ANO2: variants seen among roughly 807,000 people sequenced by gnomAD.
ANO2 encodes anoctamin-2.
Under a neutral mutation model 124.2 loss-of-function variants are expected in ANO2, and 101 were observed. The observed-to-expected ratio is 0.81, with a 90% CI of 0.69 to 0.96. The LOEUF (loss-of-function observed/expected upper bound fraction) is 0.96, where lower values mean the gene tolerates loss of function less well. ANO2 is among the 40% of genes least tolerant of loss of function. ANO2 has a pLI of 0.00. For synonymous variants in ANO2, 486 were observed against 482.5 expected (o/e 1.01, Z -0.09); for missense variants, 1,293 against 1,274.5 (o/e 1.01, Z -0.22).
intron 16 of ANO2, among the ~76,000 whole-genome samples, chr12:5,624,326 G>A (rs554059795): frequency 6.6e-6 from 1 of 152,268 alleles, no homozygotes; most frequent in South Asian, 2.1e-4. Context: ...GGCCAATCAT[G>A]AGAATCCTCC....
intron 14 of ANO2, among the ~76,000 whole-genome samples, chr12:5,648,879 C>A (rs1190994678): frequency 6.6e-6 from 1 of 152,212 alleles, no homozygotes; most frequent in Non-Finnish European, 1.5e-5. Context: ...TCTCCTCTCC[C>A]CTCCTCACCA....
Position 5,911,058 on chromosome 12 carries a change from C to T in ANO2, c.534+9982G>A, listed in dbSNP as rs544527271. Among the ~76,000 whole-genome samples the T allele has an allele frequency of 8.5e-5, 13 of 152,304 alleles. No individual in the cohort carries two copies. The East Asian group carries it at 2.5e-3, about 29-fold the overall frequency. ...GTTGATTTCACCCAGACCTTCACAA[C>T]AGAGTTAAGCCTTCCCAGTCCATCA... On this transcript the variant is annotated intron_variant, in intron 3 of 24. Coordinates refer to ENST00000682330, the MANE Select transcript of ANO2 (RefSeq NM_001364791.2).
chr12:5,841,720 C>A (rs1161859342), intron 4 of ANO2, among the ~76,000 whole-genome samples: 1 of 152,160 alleles, frequency 6.6e-6, no homozygotes, highest in Non-Finnish European at 1.5e-5. Context: ...TCTTCCCACC[C>A]ACAGACTCCT....
chr12:5,740,714 A>T (rs1376949356), intron 12 of ANO2, among the ~76,000 whole-genome samples: 1 of 152,200 alleles, frequency 6.6e-6, no homozygotes, highest in Non-Finnish European at 1.5e-5. Flanking sequence ...GAGTGGGCAG[A>T]GGAAGGGTGC....
At chr12:5,839,172 T>G (rs1382775303) in intron 4 of ANO2, among the ~76,000 whole-genome samples, 1 of 151,740 alleles carries the variant, frequency 6.6e-6, no homozygotes, top group East Asian at 1.9e-4. Flanking sequence ...GGGAGAGAGG[T>G]GGAGCCCAAG....
chr12:5,799,808 AC>A (rs1952986566), intron 9 of ANO2, among the ~76,000 whole-genome samples: 1 of 152,098 alleles, frequency 6.6e-6, no homozygotes, highest in Non-Finnish European at 1.5e-5. Context: ...GATTAGCAGA[AC>A]CCCGTCTTCT....
intron 14 of ANO2, among the ~76,000 whole-genome samples, chr12:5,726,337 C>T (rs973998759): frequency 2.0e-5 from 3 of 152,182 alleles, no homozygotes; most frequent in African/African-American, 7.2e-5. Context: ...TTACACAAAA[C>T]CACTAATGTG....
At chr12:5,566,808 G>A (rs946546680) in intron 23 of ANO2, among the ~76,000 whole-genome samples, 4 of 152,174 alleles carry the variant, frequency 2.6e-5, no homozygotes, top group African/African-American at 9.7e-5. Context: ...TGGAGTCAGG[G>A]TAGGAATGCG....
intron 10 of ANO2, among the ~76,000 whole-genome samples, chr12:5,768,881 C>T (rs1235279206): frequency 6.6e-6 from 1 of 152,186 alleles, no homozygotes. Context: ...TTCTTGAGAA[C>T]TCACAAGGGC....
chr12:5,716,926 G>A (rs34187452), intron 14 of ANO2, among the ~76,000 whole-genome samples: 31,689 of 152,124 alleles, frequency 0.21, 3,531 homozygotes, highest in Middle Eastern at 0.27. Context: ...CAGGCCCACG[G>A]CCCTAGACCA....
At chr12:5,607,442 A>C (rs558962630) in intron 19 of ANO2, among the ~76,000 whole-genome samples, 26 of 150,702 alleles carry the variant, frequency 1.7e-4, no homozygotes, top group Non-Finnish European at 3.4e-4. Flanking sequence ...TTTTTAAGTT[A>C]GATGGCAATA....
intron 19 of ANO2, among the ~76,000 whole-genome samples, 175 bp from the exon 20 acceptor site, chr12:5,599,804 G>A (rs760210360): frequency 2.6e-5 from 4 of 152,158 alleles, no homozygotes; most frequent in Non-Finnish European, 5.9e-5. Context: ...GCAACCTGAG[G>A]AAGTCCTTTA....
At chr12:5,768,443 A>G (rs1951964802) in intron 10 of ANO2, among the ~76,000 whole-genome samples, 1 of 152,240 alleles carries the variant, frequency 6.6e-6, no homozygotes, top group African/African-American at 2.4e-5. Flanking sequence ...GGAAGAGAAG[A>G]GAGTCTATAT....
intron 10 of ANO2, among the ~76,000 whole-genome samples, chr12:5,785,556 T>C (rs1021451350): frequency 7.2e-5 from 11 of 152,132 alleles, no homozygotes; most frequent in Non-Finnish European, 1.3e-4. Context: ...TTGGTTTATG[T>C]CACTGGTTGT....
intron 9 of ANO2, among the ~76,000 whole-genome samples, chr12:5,800,939 T>C (rs1953019138): frequency 6.6e-6 from 1 of 152,090 alleles, no homozygotes; most frequent in Non-Finnish European, 1.5e-5. Context: ...CACGCCACCA[T>C]TTAGAGGTCA....
At chr12:5,856,354 G>C (rs889628542) in intron 3 of ANO2, 2 of 152,124 alleles carry the variant, frequency 1.3e-5, no homozygotes. Context: ...AGTGGGTGCA[G>C]ATGTTCTAAG....
chr12:5,916,892 C>T (rs748334283), intron 3 of ANO2, among the ~76,000 whole-genome samples: 107 of 152,274 alleles, frequency 7.0e-4, no homozygotes, highest in Non-Finnish European at 1.4e-3. Context: ...AAACTCAACG[C>T]TTTACACGCG....
intron 10 of ANO2, among the ~76,000 whole-genome samples, chr12:5,768,029 T>G (rs1951950918): frequency 6.6e-6 from 1 of 152,182 alleles, no homozygotes; most frequent in African/African-American, 2.4e-5. Flanking sequence ...TACCGAGATG[T>G]GTCCCTCACC....
intron 7 of ANO2, among the ~76,000 whole-genome samples, chr12:5,817,806 C>T (rs2137193594): frequency 6.6e-6 from 1 of 152,144 alleles, no homozygotes; most frequent in South Asian, 2.1e-4. Flanking sequence ...GTGAGAGAAA[C>T]AGGAGCAAAA....
Sources: gnomAD v4.1 joint callset for allele counts (sites outside exome capture counted in the v4.1 genomes callset) on GRCh38, gnomAD v4.1.1 for gene constraint, MANE v1.5 for transcripts, NCBI Gene and HGNC (gene_info 2026-07-23, HGNC 2026-07-21) for gene names.